Variants in CDC45 observed in about 807,000 individuals in gnomAD.
The protein encoded by CDC45 is cell division control protein 45 homolog.
CDC45 carries 54 observed loss-of-function variants against 77.8 expected under a neutral mutation model. The observed-to-expected ratio is 0.69, with a 90% CI of 0.56 to 0.87. CDC45 has a LOEUF of 0.87. CDC45 is among the 40% of genes least tolerant of loss of function. The pLI is 0.00. For synonymous variants in CDC45, 260 were observed against 272.1 expected (o/e 0.96, Z 0.44); for missense variants, 649 against 721.6 (o/e 0.90, Z 1.15).
intron 13 of CDC45, among the ~76,000 whole-genome samples, chr22:19,513,019 C>T (rs556329369): frequency 2.0e-5 from 3 of 152,210 alleles, no homozygotes; most frequent in South Asian, 2.1e-4. Flanking sequence ...TTTTAACAAC[C>T]GTCACGGGAA....
At chr22:19,480,104 G>A in intron 1 of CDC45, 54 bp from the exon 2 acceptor site, 4 of 1,612,354 alleles carry the variant, frequency 2.5e-6, no homozygotes, top group Middle Eastern at 3.3e-4. Flanking sequence ...CGGGAGGCAG[G>A]GGAGGGCCGG....
At chr22:19,481,276 G>A (rs1009895117) in intron 3 of CDC45, among the ~76,000 whole-genome samples, 9 of 152,166 alleles carry the variant, frequency 5.9e-5, no homozygotes, top group African/African-American at 2.2e-4. Context: ...CTTTGAACTT[G>A]TTTTAACTTG....
intron 5 of CDC45, among the ~76,000 whole-genome samples, chr22:19,490,711 C>T (rs1292551162): frequency 6.6e-6 from 1 of 151,886 alleles, no homozygotes; most frequent in Admixed American, 6.6e-5. Context: ...GTGAGTCTAT[C>T]TCCTTGTATA....
intron 7 of CDC45, among the ~76,000 whole-genome samples, chr22:19,496,836 A>G (rs2090251614): frequency 6.6e-6 from 1 of 152,172 alleles, no homozygotes; most frequent in Non-Finnish European, 1.5e-5. Flanking sequence ...TGCTTATGGG[A>G]GTTAAATGCT....
At chr22:19,501,760 G>A (rs1363871274) in intron 9 of CDC45, among the ~76,000 whole-genome samples, 1 of 152,062 alleles carries the variant, frequency 6.6e-6, no homozygotes, top group Non-Finnish European at 1.5e-5. Context: ...TGTCTCACAG[G>A]CTGGAGTGTG....
At chr22:19,516,421 T>C (rs1933790833) in intron 15 of CDC45, 106 bp from the exon 16 acceptor site, 1 of 911,166 alleles carries the variant, frequency 1.1e-6, no homozygotes, top group South Asian at 1.4e-5. Flanking sequence ...ACAGCGTCCC[T>C]GGAGGCTTTG....
At chr22:19,499,206 A>G (rs1239701455) in intron 9 of CDC45, 55 bp downstream of exon 9, 13 of 1,576,588 alleles carry the variant, frequency 8.2e-6, no homozygotes, top group Non-Finnish European at 1.1e-5. Flanking sequence ...GGCCAGGTGC[A>G]CAGCCTGACC....
rs13447217 is a variant in CDC45, at chr22:19,495,221, A to G, written c.543-760A>G. ...TTTTACATGATACATCTGATTTTGC[A>G]TCTTTCTACTTAATATAACCATTTA... On this transcript the variant is annotated intron_variant, in intron 6 of 18. Coordinates refer to ENST00000263201, the MANE Select transcript of CDC45 (RefSeq NM_003504.5). Among the ~76,000 whole-genome samples the G allele has an allele frequency of 7.4e-3, 1,124 of 152,328 alleles. 39 individuals are homozygous for G. Among genetic ancestry groups the G allele is most frequent in the East Asian group, 0.068 (352 of 5,184 alleles).
intron 3 of CDC45, 30 bp from the exon 4 acceptor site, chr22:19,482,660 G>C: frequency 1.2e-6 from 2 of 1,608,860 alleles, no homozygotes; most frequent in East Asian, 2.2e-5. Context: ...CCTCGATATA[G>C]CTACTTTACA....
chr22:19,500,128 A>G (rs1568925259), intron 9 of CDC45, among the ~76,000 whole-genome samples: 1 of 152,150 alleles, frequency 6.6e-6, no homozygotes, highest in Non-Finnish European at 1.5e-5. Context: ...GTGCACAGAT[A>G]ATGTAGGGGC....
intron 9 of CDC45, chr22:19,505,128 A>T: frequency 1.8e-6 from 1 of 540,924 alleles, no homozygotes; most frequent in Non-Finnish European, 3.3e-6. Flanking sequence ...TGTGAGACCC[A>T]TGAGGACCGG....
chr22:19,507,479 T>A lies in CDC45; in HGVS notation c.918T>A (p.His306Gln), dbSNP rs1303708436. The change falls in exon 11 of 19, where the codon CAT (histidine) becomes CAA (glutamine). Residue 306 changes from histidine to glutamine, a missense_variant. His to Gln is a conservative substitution (Grantham distance 24). Coordinates refer to ENST00000263201, the MANE Select transcript of CDC45 (RefSeq NM_003504.5). ...CCAGGTTCAAGCTGTGGTCTGTGCATGGACAGAAGCGGCTCCAGGAGTTCC... is the reference window on the plus strand; with the variant it reads ...CCAGGTTCAAGCTGTGGTCTGTGCAAGGACAGAAGCGGCTCCAGGAGTTCC... ...TAARFKLWSV[H>Q]GQKRLQEFLA... The A allele has an allele frequency of 2.5e-6, 4 of 1,614,064 alleles. No individual in the cohort carries two copies. The highest frequency in any genetic ancestry group is 3.4e-6 in the Non-Finnish European group (4 of 1,180,036).
intron 5 of CDC45, among the ~76,000 whole-genome samples, chr22:19,492,659 AT>A (rs1159913087): frequency 2.0e-5 from 3 of 152,130 alleles, no homozygotes; most frequent in Non-Finnish European, 4.4e-5. Flanking sequence ...TCTTGGTATG[AT>A]GAGTAATCTT....
intron 13 of CDC45, among the ~76,000 whole-genome samples, chr22:19,512,585 T>G (rs981465186): frequency 1.3e-5 from 2 of 152,204 alleles, no homozygotes; most frequent in African/African-American, 4.8e-5. Flanking sequence ...CCAGCATTGA[T>G]GGGTAGGCTT....
At chr22:19,498,777 CAA>C (rs1441483426) in intron 8 of CDC45, among the ~76,000 whole-genome samples, 1 of 152,208 alleles carries the variant, frequency 6.6e-6, no homozygotes, top group Non-Finnish European at 1.5e-5. Context: ...GAGTGCAGGA[CAA>C]GAGCAGAGCA....
rs749576367 is a variant in CDC45, at chr22:19,514,722, C to G, written c.1218-27C>G. ...ACCAAGAGTTCCTGACAAGCACCAC[C>G]AAAGCCATGTGTCTGCCCTGTTACA... On this transcript the variant is annotated intron_variant, in intron 13 of 18. Transcript: ENST00000263201. 3.8e-6 allele frequency: 6 copies of G among 1,562,744 alleles called. No homozygotes were observed. The African/African-American group carries it at 8.2e-5, about 21-fold the overall frequency.
Position 19,514,946 on chromosome 22 carries a change from A to T in CDC45, c.1357-19A>T, listed in dbSNP as rs369338375. The T allele has an allele frequency of 2.0e-5, 32 of 1,614,218 alleles. No homozygotes were observed. The highest frequency in any genetic ancestry group is 1.2e-4 in the African/African-American group (9 of 75,070). On this transcript the variant is annotated intron_variant, in intron 14 of 18. Transcript: ENST00000263201. ...ACAGCACCAGTGGCTTCGTCTGACC[A>T]TCTGTCTCGCCTCCGCAGGGCACTC...
At chr22:19,515,568 G>A (rs1933740402) in intron 15 of CDC45, among the ~76,000 whole-genome samples, 1 of 152,228 alleles carries the variant, frequency 6.6e-6, no homozygotes, top group Non-Finnish European at 1.5e-5. Flanking sequence ...CTTCGAGGAT[G>A]AGAGTTTATG....
chr22:19,508,844 G>A (rs1310108226), intron 13 of CDC45, among the ~76,000 whole-genome samples, 153 bp downstream of exon 13: 4 of 152,280 alleles, frequency 2.6e-5, no homozygotes, highest in African/African-American at 9.6e-5. Flanking sequence ...AGTGTGGTGT[G>A]CACCTGACAC....
Sources: gnomAD v4.1 joint callset for allele counts (sites outside exome capture counted in the v4.1 genomes callset) on GRCh38, gnomAD v4.1.1 for gene constraint, MANE v1.5 for transcripts, NCBI Gene and HGNC (gene_info 2026-07-23, HGNC 2026-07-21) for gene names.